CAMK1D: variants seen among roughly 807,000 people sequenced by gnomAD.
CAMK1D encodes the protein calcium/calmodulin dependent protein kinase ID, also known as calcium/calmodulin-dependent protein kinase type 1D.
In CAMK1D, 9 loss-of-function variants were observed where a neutral mutation model predicts 47.7. The observed-to-expected ratio is 0.19, with a 90% CI of 0.11 to 0.33. The LOEUF is 0.33. CAMK1D is among the 10% of genes least tolerant of loss of function. CAMK1D has a pLI of 1.00. For synonymous variants in CAMK1D, 184 were observed against 184.9 expected, an observed-to-expected ratio of 0.99 and a Z score of 0.04; for missense variants, 291 against 488.7, an observed-to-expected ratio of 0.60 and a Z score of 3.81.
chr10:12,450,295 A>G (rs1050610417), intron 1 of CAMK1D, among the ~76,000 whole-genome samples: 21 of 152,212 alleles, frequency 1.4e-4, no homozygotes, highest in African/African-American at 4.8e-4. Flanking sequence ...TTTGGGTTAT[A>G]TACTGAGTTT....
intron 3 of CAMK1D, among the ~76,000 whole-genome samples, chr10:12,738,902 C>T (rs1835297952): frequency 2.0e-5 from 3 of 151,722 alleles, no homozygotes; most frequent in Admixed American, 6.6e-5. Context: ...TCAAAATTAC[C>T]TTATGAGGTA....
chr10:12,486,893 G>A (rs964648759), intron 1 of CAMK1D, among the ~76,000 whole-genome samples: 7 of 152,226 alleles, frequency 4.6e-5, no homozygotes, highest in East Asian at 1.9e-4. Flanking sequence ...AGCCATGATC[G>A]CACCACTACA....
intron 1 of CAMK1D, among the ~76,000 whole-genome samples, chr10:12,412,692 TCAAA>T (rs1839703342): frequency 2.7e-5 from 1 of 37,118 alleles, no homozygotes; most frequent in Non-Finnish European, 4.8e-5. Flanking sequence ...TGAGACGCCA[TCAAA>T]AAAAAAAAAA....
At chr10:12,572,718 A>G (rs931039587) in intron 2 of CAMK1D, among the ~76,000 whole-genome samples, 3 of 152,098 alleles carry the variant, frequency 2.0e-5, no homozygotes, top group African/African-American at 7.2e-5. Context: ...TGTAGCCTCA[A>G]GCTCCTGGGC....
chr10:12,732,998 T>C (rs1394454912), intron 3 of CAMK1D, among the ~76,000 whole-genome samples: 1 of 152,110 alleles, frequency 6.6e-6, no homozygotes, highest in Admixed American at 6.5e-5. Flanking sequence ...TTAAATAAGA[T>C]AATGTACAAA....
chr10:12,669,999 A>G (rs193134409), intron 3 of CAMK1D, among the ~76,000 whole-genome samples: 327 of 152,262 alleles, frequency 2.1e-3, no homozygotes, highest in Middle Eastern at 0.021. Context: ...GTTCACGTAC[A>G]GGTCTTTGTG....
rs1295130752 is a variant in CAMK1D, at chr10:12,834,767, ACT to A, written c.*5883_*5884del. 1.3e-5 allele frequency: 2 copies of A among 151,924 alleles called. No individual in the cohort carries two copies. The highest frequency in any genetic ancestry group is 2.9e-5 in the Non-Finnish European group (2 of 67,970). 9.4% of individuals were successfully genotyped at this position (151,924 alleles called of 1,614,324 possible). ...TTCAGCAGGGGCTCAGAAACCCCAA[ACT>A]CTAGTTAAATTGCTTCTCGGAGGAA... On this transcript the variant is annotated 3_prime_UTR_variant, in exon 11 of 11. Transcript: ENST00000619168.
intron 2 of CAMK1D, among the ~76,000 whole-genome samples, chr10:12,630,390 A>ATTTT: frequency 1.0e-5 from 1 of 97,424 alleles, no homozygotes; most frequent in East Asian, 2.7e-4. Context: ...TTTTTTTTTA[A>ATTTT]AAAAAAGACA....
intron 1 of CAMK1D, among the ~76,000 whole-genome samples, chr10:12,437,387 G>T (rs1269227719): frequency 6.6e-6 from 1 of 152,068 alleles, no homozygotes; most frequent in African/African-American, 2.4e-5. Flanking sequence ...TGGAGACGGG[G>T]TTTCACCATG....
At chr10:12,671,417 C>T (rs1319483892) in intron 3 of CAMK1D, among the ~76,000 whole-genome samples, 1 of 151,828 alleles carries the variant, frequency 6.6e-6, no homozygotes, top group Non-Finnish European at 1.5e-5. Flanking sequence ...TTTACAATCC[C>T]ATGAGCAACG....
At position 12,419,670 on chromosome 10, in the gene CAMK1D, G is replaced by A. The variant is rs1024871120; in HGVS notation, c.92+69760G>A. Among the ~76,000 whole-genome samples the A allele has an allele frequency of 2.9e-4, 31 of 106,800 alleles. No individual in the cohort carries two copies. The East Asian group carries it at 3.6e-3, about 12-fold the overall frequency. 70.1% of individuals were successfully genotyped at this position (106,800 alleles called of 152,430 possible). ...CACACACACACACACACACACACAC[G>A]CAAAAATAGAGTTCTTGTTAACTTC... is the stretch of plus-strand genomic sequence containing the variant. On this transcript the variant is annotated intron_variant, in intron 1 of 10. Transcript: ENST00000619168.
At chr10:12,553,179 CT>C in intron 1 of CAMK1D, 45 bp from the exon 2 acceptor site, 1 of 1,610,620 alleles carries the variant, frequency 6.2e-7, no homozygotes, top group Non-Finnish European at 8.5e-7. Context: ...CATTGTGAAA[CT>C]GGACTTCTGC....
chr10:12,356,217 C>T (rs540300542), intron 1 of CAMK1D, among the ~76,000 whole-genome samples: 8 of 152,164 alleles, frequency 5.3e-5, no homozygotes, highest in South Asian at 2.1e-4. Context: ...GGCCGAATTC[C>T]GGATGTGTTT....
chr10:12,785,053 T>A (rs1263997396), intron 5 of CAMK1D, among the ~76,000 whole-genome samples: 2 of 152,168 alleles, frequency 1.3e-5, no homozygotes, highest in South Asian at 2.1e-4. Flanking sequence ...GTGCCCAATG[T>A]GTGTCAACTG....
At chr10:12,515,670 C>T (rs751373455) in intron 1 of CAMK1D, among the ~76,000 whole-genome samples, 1 of 148,414 alleles carries the variant, frequency 6.7e-6, no homozygotes, top group Non-Finnish European at 1.5e-5. Flanking sequence ...AGTGCAGTGG[C>T]GCGATCTTGG....
intron 6 of CAMK1D, among the ~76,000 whole-genome samples, chr10:12,793,401 G>T (rs994073344): frequency 2.0e-5 from 3 of 152,192 alleles, no homozygotes; most frequent in African/African-American, 7.2e-5. Context: ...TACAGCTCTG[G>T]TTAGGTACTT....
At chr10:12,613,146 G>A (rs1381448055) in intron 2 of CAMK1D, among the ~76,000 whole-genome samples, 1 of 152,178 alleles carries the variant, frequency 6.6e-6, no homozygotes, top group African/African-American at 2.4e-5. Flanking sequence ...GCATCCTTAA[G>A]CTCTTCTTCT....
At chr10:12,473,128 A>G (rs551256926) in intron 1 of CAMK1D, among the ~76,000 whole-genome samples, 1 of 152,232 alleles carries the variant, frequency 6.6e-6, no homozygotes, top group South Asian at 2.1e-4. Flanking sequence ...GGTGGAAGCA[A>G]TGGTGGATGC....
chr10:12,705,871 T>C (rs534910543), intron 3 of CAMK1D, among the ~76,000 whole-genome samples: 6 of 152,236 alleles, frequency 3.9e-5, no homozygotes, highest in Non-Finnish European at 8.8e-5. Context: ...CTAAAAGTGA[T>C]GCTCACTGTT....
Sources: gnomAD v4.1 joint callset for allele counts (sites outside exome capture counted in the v4.1 genomes callset) on GRCh38, gnomAD v4.1.1 for gene constraint, MANE v1.5 for transcripts, NCBI Gene and HGNC (gene_info 2026-07-23, HGNC 2026-07-21) for gene names.